The following ECT2 variants were observed in gnomAD, a reference collection of about 807,000 sequenced individuals.
The protein encoded by ECT2 is epithelial cell transforming 2.
In ECT2, 61 loss-of-function variants were observed where a neutral mutation model predicts 116.9. The ratio of observed to expected loss-of-function variants is 0.52; its 90% CI spans 0.42 to 0.65. The LOEUF is 0.65. ECT2 is among the 30% of genes least tolerant of loss of function. The probability of loss-of-function intolerance (pLI) is 0.00; values close to 1 mark genes in which losing one functional copy is unlikely to be tolerated. For synonymous variants in ECT2, 358 were observed against 346.4 expected (o/e 1.03, Z -0.37); for missense variants, 937 against 1,078.7 (o/e 0.87, Z 1.84).
In ECT2 at chr3:172,762,714, G is replaced by T; in HGVS notation, c.913G>T (p.Asp305Tyr). The change falls in exon 10 of 25, where the codon GAT (aspartate) becomes TAT (tyrosine). Residue 305 changes from aspartate (D) to tyrosine (Y), a missense_variant. Coordinates refer to ENST00000392692, the MANE Select transcript of ECT2 (RefSeq NM_001258315.2). ...MQGGKYLPLG[D>Y]ERCTHLVVEE... The stretch of plus-strand genomic sequence containing the variant: ...AGGAGGTAAATATTTACCGCTTGGA[G>T]ATGAAAGATGCACTCACCTTGTAGT... The T allele has an allele frequency of 6.2e-7, 1 of 1,611,802 alleles. No homozygotes were observed.
At chr3:172,761,504 C>A (rs1215050823) in intron 7 of ECT2, 106 bp from the exon 8 acceptor site, 2 of 693,970 alleles carry the variant, frequency 2.9e-6, no homozygotes, top group Non-Finnish European at 5.1e-6. Context: ...TGTTACAAAG[C>A]AGATAGTGAT....
Position 172,761,593 on chromosome 3 carries a change from A to G in ECT2, c.685-17A>G. On this transcript the variant is annotated splice_polypyrimidine_tract_variant and intron_variant, in intron 7 of 24. Coordinates refer to ENST00000392692, the MANE Select transcript of ECT2 (RefSeq NM_001258315.2). Reference sequence around the variant, plus strand: ...GTTATTTAAGGAGAAAATTCACTGTAATGTTTATATTTTTAGGTTGCTGTG... The same window carrying G: ...GTTATTTAAGGAGAAAATTCACTGTGATGTTTATATTTTTAGGTTGCTGTG... 1 of 1,566,554 alleles carries G rather than the reference A, an allele frequency of 6.4e-7. No homozygotes were observed. The highest frequency in any genetic ancestry group is 8.8e-7 in the Non-Finnish European group (1 of 1,138,362).
rs544867982 is a variant in ECT2, at chr3:172,782,311, A to C, written c.1617+80A>C. The C allele has an allele frequency of 2.8e-6, 2 of 723,786 alleles. 1 individual carries two copies. The highest frequency in any genetic ancestry group is 5.1e-5 in the South Asian group (2 of 39,466). The allele number at this position is 723,786 out of a possible 1,614,324, so 44.8% of individuals were successfully genotyped here. On this transcript the variant is annotated intron_variant, in intron 15 of 24. Transcript: ENST00000392692. Reference sequence around the variant, plus strand: ...GACTGGCAAGGAGTGTAATTTGCCTATTTAAATGTGAGAGGTTTTAAAACT... The same window carrying C: ...GACTGGCAAGGAGTGTAATTTGCCTCTTTAAATGTGAGAGGTTTTAAAACT...
chr3:172,782,671 T>G (rs1486106003), intron 15 of ECT2, among the ~76,000 whole-genome samples: 1 of 152,214 alleles, frequency 6.6e-6, no homozygotes, highest in African/African-American at 2.4e-5. Flanking sequence ...TTATTTTTCC[T>G]GTTCCTCTCC....
rs192234415 is a variant in ECT2 at position 172,806,038 on chromosome 3, A to G, written c.2245+169A>G. 31 of 640,524 alleles carry G rather than the reference A, an allele frequency of 4.8e-5. 1 individual carries two copies. In the Middle Eastern group the frequency reaches 1.4e-3, roughly 28 times the overall value. 39.7% of individuals were successfully genotyped at this position (640,524 alleles called of 1,614,324 possible). ...CTCTATCCCATCTCCATCTCTAGGA[A>G]CAGAACTGACTTTTTGTTTTCTCAA... is the stretch of plus-strand genomic sequence containing the variant. On this transcript the variant is annotated intron_variant, in intron 21 of 24. Transcript: ENST00000392692.
At chr3:172,756,339 G>T (rs193088844) in intron 4 of ECT2, among the ~76,000 whole-genome samples, 3 of 152,084 alleles carry the variant, frequency 2.0e-5, no homozygotes, top group Admixed American at 2.0e-4. Flanking sequence ...GAGTTATATA[G>T]GTACTTTAGT....
chr3:172,808,066 G>A (rs1255003805), intron 22 of ECT2, 142 bp downstream of exon 22: 1 of 828,320 alleles, frequency 1.2e-6, no homozygotes, highest in East Asian at 2.7e-5. Flanking sequence ...GATGTAATAA[G>A]TTGTTTTAGA....
intron 24 of ECT2, among the ~76,000 whole-genome samples, chr3:172,819,700 ACT>A (rs1224993169): frequency 6.6e-6 from 1 of 151,324 alleles, no homozygotes; most frequent in African/African-American, 2.4e-5. Context: ...TATTACAAAC[ACT>A]CTTTGAGAGT....
chr3:172,772,403 A>G (rs780657369), intron 13 of ECT2, among the ~76,000 whole-genome samples: 2 of 152,068 alleles, frequency 1.3e-5, no homozygotes, highest in Non-Finnish European at 2.9e-5. Context: ...TCACCATCTT[A>G]GGCAGAATGA....
At chr3:172,821,597 T>C (rs971842984), downstream of ECT2, 1 of 151,878 alleles carries the variant, frequency 6.6e-6, no homozygotes, top group African/African-American at 2.4e-5. Context: ...TCCAGTAATA[T>C]TTTTGATCAT....
chr3:172,779,288 C>CT (rs1221808900), intron 14 of ECT2, among the ~76,000 whole-genome samples: 4 of 151,932 alleles, frequency 2.6e-5, no homozygotes, highest in East Asian at 1.9e-4. Context: ...ATTTTTCTTT[C>CT]TTTTTTTTCT....
chr3:172,808,707 G>A (rs1728196494), intron 22 of ECT2, among the ~76,000 whole-genome samples: 1 of 152,158 alleles, frequency 6.6e-6, no homozygotes, highest in South Asian at 2.1e-4. Flanking sequence ...GGATATAATA[G>A]ATGACCCTTT....
chr3:172,751,326 C>T (rs912088769), intron 1 of ECT2, among the ~76,000 whole-genome samples: 6 of 152,316 alleles, frequency 3.9e-5, no homozygotes, highest in African/African-American at 1.2e-4. Context: ...CCCCAGCCAC[C>T]CGGCACAGAT....
intron 12 of ECT2, among the ~76,000 whole-genome samples, chr3:172,765,879 C>CCTCA (rs1719280097): frequency 6.6e-6 from 1 of 152,148 alleles, no homozygotes; most frequent in Non-Finnish European, 1.5e-5. Flanking sequence ...TACATCCATA[C>CCTCA]CTCAGGACTT....
At chr3:172,760,094 CAT>C (rs1717925803) in intron 6 of ECT2, 60 bp from the exon 7 acceptor site, 1 of 1,059,850 alleles carries the variant, frequency 9.4e-7, no homozygotes, top group South Asian at 1.7e-5. Flanking sequence ...GTGGGGTAAA[CAT>C]AGTTTAAAAT....
chr3:172,769,171 T>C, intron 13 of ECT2, 28 bp downstream of exon 13: 1 of 1,584,994 alleles, frequency 6.3e-7, no homozygotes, highest in Non-Finnish European at 8.6e-7. Context: ...TGAAAAATGA[T>C]TTCTGTTCCA....
chr3:172,757,487 C>T (rs1025672970), intron 5 of ECT2, among the ~76,000 whole-genome samples: 7 of 146,982 alleles, frequency 4.8e-5, no homozygotes, highest in African/African-American at 1.8e-4. Context: ...ACGATCTCAG[C>T]TCACTGCAAG....
intron 13 of ECT2, 74 bp downstream of exon 13, chr3:172,769,217 T>C (rs1351124508): frequency 1.5e-6 from 2 of 1,368,780 alleles, no homozygotes; most frequent in Non-Finnish European, 2.0e-6. Context: ...TGATATTGTT[T>C]CTTACGAGAA....
chr3:172,774,776 T>C (rs1486572915), intron 14 of ECT2, among the ~76,000 whole-genome samples: 1 of 152,228 alleles, frequency 6.6e-6, no homozygotes, highest in Non-Finnish European at 1.5e-5. Flanking sequence ...AGTGCTAGGA[T>C]TACAGCCATG....
Sources: allele counts gnomAD v4.1 joint callset (sites outside exome capture counted in the v4.1 genomes callset), GRCh38; gene constraint gnomAD v4.1.1; transcripts MANE v1.5; gene names NCBI Gene and HGNC (gene_info 2026-07-23, HGNC 2026-07-21).